The following RAD51B variants were observed in gnomAD, a reference collection of about 807,000 sequenced individuals.
The protein encoded by RAD51B is DNA repair protein RAD51 homolog 2.
Under a neutral mutation model 42.2 loss-of-function variants are expected in RAD51B, and 38 were observed. That is an observed-to-expected ratio of 0.90 (90% confidence interval 0.70 to 1.18). The LOEUF is 1.18. RAD51B is among the 50% of genes most tolerant of loss of function. The probability of loss-of-function intolerance (pLI) is 0.00; values close to 1 mark genes in which losing one functional copy is unlikely to be tolerated. For missense variants in RAD51B, 373 were observed against 400.7 expected, an observed-to-expected ratio of 0.93 and a Z score of 0.59; for synonymous variants, 154 against 145.2, an observed-to-expected ratio of 1.06 and a Z score of -0.43.
Position 67,836,230 on chromosome 14 carries a change from C to T in RAD51B, c.315+1034C>T, listed in dbSNP as rs147408426. 1.5e-3 allele frequency among the ~76,000 whole-genome samples: 223 copies of T among 152,322 alleles called. 1 individual carries two copies. The highest frequency in any genetic ancestry group is 5.0e-3 in the African/African-American group (209 of 41,582). On this transcript the variant is annotated intron_variant, in intron 4 of 10. Transcript: ENST00000471583. The stretch of plus-strand genomic sequence containing the variant: ...GATCTGTTTCTGAGGGGCCCACTTA[C>T]ATGACTGGCAAATGGGTGCTGGTGG...
intron 7 of RAD51B, among the ~76,000 whole-genome samples, chr14:68,170,622 T>TA (rs1212135244): frequency 6.6e-6 from 1 of 152,188 alleles, no homozygotes; most frequent in Non-Finnish European, 1.5e-5. Flanking sequence ...AATTTTTACA[T>TA]AGTTTAGCTT....
At chr14:68,646,001 C>T (rs61987112) in intron 10 of RAD51B, among the ~76,000 whole-genome samples, 17,977 of 151,590 alleles carry the variant, frequency 0.12, 1,099 homozygotes, top group Non-Finnish European at 0.13. Context: ...AAATATTCCC[C>T]GGGACAAATT....
downstream of RAD51B, among the ~76,000 whole-genome samples, chr14:68,478,635 T>G (rs1882912299): frequency 6.6e-6 from 1 of 152,246 alleles, no homozygotes; most frequent in African/African-American, 2.4e-5. Flanking sequence ...CCTTGTGACC[T>G]ATCTTACCCA....
chr14:68,655,694 T>C (rs377065152), intron 11 of RAD51B, among the ~76,000 whole-genome samples: 2 of 152,174 alleles, frequency 1.3e-5, no homozygotes, highest in African/African-American at 4.8e-5. Flanking sequence ...GGCATACATC[T>C]CGGAAGTCAG....
intron 10 of RAD51B, among the ~76,000 whole-genome samples, chr14:68,570,473 C>A (rs1446431103): frequency 6.6e-6 from 1 of 152,210 alleles, no homozygotes; most frequent in African/African-American, 2.4e-5. Flanking sequence ...CTTAAAAATA[C>A]CAGGGGAGGG....
chr14:68,366,151 G>A (rs967800766), intron 8 of RAD51B, among the ~76,000 whole-genome samples: 2 of 152,082 alleles, frequency 1.3e-5, no homozygotes, highest in Non-Finnish European at 2.9e-5. Flanking sequence ...CCTGAAGTGG[G>A]AGTACTGGAA....
intron 7 of RAD51B, among the ~76,000 whole-genome samples, chr14:68,210,507 AGGCC>A (rs2079684349): frequency 1.3e-5 from 2 of 151,934 alleles, no homozygotes; most frequent in African/African-American, 4.8e-5. Context: ...ATACATGACC[AGGCC>A]TTAGGTTACT....
intron 10 of RAD51B, chr14:68,541,698 T>C: frequency 1.0e-6 from 1 of 985,478 alleles, no homozygotes; most frequent in Non-Finnish European, 1.2e-6. Context: ...CATTCATTTC[T>C]TAAAGAAGAA....
intron 8 of RAD51B, among the ~76,000 whole-genome samples, chr14:68,304,266 C>T (rs1458652903): frequency 6.6e-6 from 1 of 152,030 alleles, no homozygotes; most frequent in African/African-American, 2.4e-5. Context: ...ATGCGTCAGG[C>T]ACTATACTAA....
intron 7 of RAD51B, among the ~76,000 whole-genome samples, chr14:67,993,024 C>T (rs2075321438): frequency 6.6e-6 from 1 of 152,062 alleles, no homozygotes; most frequent in African/African-American, 2.4e-5. Context: ...GACCATTTAC[C>T]TAAAAATCTG....
At position 68,457,771 on chromosome 14, in the gene RAD51B, GTATTTTT is replaced by G. The variant is rs1259782159; in HGVS notation, c.958-10399_958-10393del. 6.6e-3 allele frequency among the ~76,000 whole-genome samples: 820 copies of G among 124,034 alleles called. 6 individuals carry two copies. The highest frequency in any genetic ancestry group is 0.02 in the African/African-American group (707 of 35,106). The allele number at this position is 124,034 out of a possible 152,430, so 81.4% of individuals were successfully genotyped here. A position where few individuals can be genotyped will look rare whatever the true frequency, so the allele number is the denominator to read the frequency against. On this transcript the variant is annotated intron_variant, in intron 9 of 10. Transcript: ENST00000471583. ...GTGCCACCACGCCCAGCTAATTTTTGTATTTTTTTTTTTTTTTTTTTTTAGTAGAGAC... is the reference window on the plus strand; with the variant it reads ...GTGCCACCACGCCCAGCTAATTTTTGTTTTTTTTTTTTTTTTAGTAGAGAC...
intron 7 of RAD51B, among the ~76,000 whole-genome samples, chr14:68,039,060 G>T (rs1303646076): frequency 6.6e-6 from 1 of 151,974 alleles, no homozygotes; most frequent in Non-Finnish European, 1.5e-5. Flanking sequence ...AACCAATCAG[G>T]GGCTGATTTA....
At chr14:68,010,516 T>C (rs2140328947) in intron 7 of RAD51B, among the ~76,000 whole-genome samples, 1 of 151,940 alleles carries the variant, frequency 6.6e-6, no homozygotes, top group East Asian at 1.9e-4. Flanking sequence ...CCTGTTTTTC[T>C]AATACAAATA....
At chr14:68,425,285 AGGTATATGCTGC>A (rs2084805369) in intron 9 of RAD51B, among the ~76,000 whole-genome samples, 1 of 152,244 alleles carries the variant, frequency 6.6e-6, no homozygotes, top group African/African-American at 2.4e-5. Flanking sequence ...CCTCAAGAAA[AGGTATATGCTGC>A]GGTTTGAATG....
At chr14:68,191,599 G>A (rs2079268533) in intron 7 of RAD51B, among the ~76,000 whole-genome samples, 1 of 152,198 alleles carries the variant, frequency 6.6e-6, no homozygotes, top group African/African-American at 2.4e-5. Flanking sequence ...GATAATGGAA[G>A]ACCCTTTCTT....
intron 8 of RAD51B, among the ~76,000 whole-genome samples, chr14:68,399,783 A>G (rs935836967): frequency 6.6e-6 from 1 of 152,230 alleles, no homozygotes; most frequent in African/African-American, 2.4e-5. Flanking sequence ...CCAGGAAATT[A>G]GTATTGATAC....
At chr14:68,425,501 G>T (rs540024340) in intron 9 of RAD51B, among the ~76,000 whole-genome samples, 2 of 152,204 alleles carry the variant, frequency 1.3e-5, no homozygotes, top group South Asian at 2.1e-4. Flanking sequence ...GCCCCCATTT[G>T]TCTCTCTGTC....
rs563023606 is a variant in RAD51B at position 68,117,420 on chromosome 14, A to G, written c.757-174464A>G. ...AGTATTGGTCTAGATAGAATATACT[A>G]TGGGACCAAAAAAGATATGACCGTG... On this transcript the variant is annotated intron_variant, in intron 7 of 10. Coordinates refer to ENST00000471583, the MANE Select transcript of RAD51B (RefSeq NM_133510.4). 4.6e-5 allele frequency among the ~76,000 whole-genome samples: 7 copies of G among 152,252 alleles called. No homozygotes were observed. The East Asian group carries it at 1.4e-3, about 29-fold the overall frequency.
At chr14:68,549,391 C>CATCCAT (rs1165050120) in intron 10 of RAD51B, among the ~76,000 whole-genome samples, 1 of 142,732 alleles carries the variant, frequency 7.0e-6, no homozygotes, top group Admixed American at 7.2e-5. Context: ...TCTAGTGCTT[C>CATCCAT]ATCCATGCCC....
Sources: allele counts gnomAD v4.1 joint callset (sites outside exome capture counted in the v4.1 genomes callset), GRCh38; gene constraint gnomAD v4.1.1; transcripts MANE v1.5; gene names NCBI Gene and HGNC (gene_info 2026-07-23, HGNC 2026-07-21).